Variants in DOK6 observed in about 807,000 individuals in gnomAD.
The protein encoded by DOK6 is docking protein 6, also known as downstream of tyrosine kinase 6.
In DOK6, 22 loss-of-function variants were observed where a neutral mutation model predicts 44.0. That is an observed-to-expected ratio of 0.50 (90% CI 0.36 to 0.71). DOK6 has a LOEUF of 0.71. Ranked by LOEUF, DOK6 falls within the 30% of genes least tolerant of loss-of-function variation. The probability of loss-of-function intolerance (pLI) is 0.00; values close to 1 mark genes in which losing one functional copy is unlikely to be tolerated. For synonymous variants in DOK6, 166 were observed against 145.5 expected (o/e 1.14, Z -1.01); for missense variants, 340 against 416.4 (o/e 0.82, Z 1.60).
chr18:69,449,621 A>G (rs1478930598), intron 1 of DOK6, among the ~76,000 whole-genome samples: 1 of 152,234 alleles, frequency 6.6e-6, no homozygotes, highest in Non-Finnish European at 1.5e-5. Context: ...ACAGACAAAC[A>G]AAAAGACAGC....
intron 1 of DOK6, among the ~76,000 whole-genome samples, chr18:69,463,142 A>G (rs1013597263): frequency 2.0e-5 from 3 of 152,140 alleles, no homozygotes; most frequent in Admixed American, 2.0e-4. Flanking sequence ...TTCCCGGTTC[A>G]TAGATGGCAC....
intron 5 of DOK6, 96 bp downstream of exon 5, chr18:69,698,689 C>T (rs1325913883): frequency 5.7e-6 from 7 of 1,233,906 alleles, no homozygotes; most frequent in East Asian, 2.6e-5. Flanking sequence ...TCATTGCCCC[C>T]AGTGAGCACT....
At chr18:69,679,749 T>C (rs1986003552) in intron 4 of DOK6, among the ~76,000 whole-genome samples, 1 of 152,238 alleles carries the variant, frequency 6.6e-6, no homozygotes, top group Non-Finnish European at 1.5e-5. Flanking sequence ...TTTGGAGATA[T>C]ATATGGTTTC....
At chr18:69,446,276 A>T (rs1423626855) in intron 1 of DOK6, among the ~76,000 whole-genome samples, 3 of 135,914 alleles carry the variant, frequency 2.2e-5, no homozygotes, top group Non-Finnish European at 4.5e-5. Flanking sequence ...CTCATTGTTC[A>T]ATTCCCACCT....
intron 4 of DOK6, among the ~76,000 whole-genome samples, chr18:69,683,186 C>G (rs1986080670): frequency 6.6e-6 from 1 of 151,710 alleles, no homozygotes; most frequent in South Asian, 2.1e-4. Context: ...AAAAAACAAG[C>G]ACACTCACAT....
chr18:69,726,462 A>G (rs12957360), intron 5 of DOK6, among the ~76,000 whole-genome samples: 66,379 of 151,908 alleles, frequency 0.44, 14,908 homozygotes, highest in Middle Eastern at 0.55. Context: ...AATTCAAACT[A>G]TCTTAATGTC....
At chr18:69,494,227 G>A (rs1980817621) in intron 1 of DOK6, among the ~76,000 whole-genome samples, 1 of 152,186 alleles carries the variant, frequency 6.6e-6, no homozygotes, top group Non-Finnish European at 1.5e-5. Context: ...TGTAATCCTA[G>A]AACTTTGGGA....
chr18:69,817,553 G>C (rs1175066571), intron 7 of DOK6, among the ~76,000 whole-genome samples: 1 of 152,154 alleles, frequency 6.6e-6, no homozygotes, highest in Non-Finnish European at 1.5e-5. Flanking sequence ...ATTCCTTTGT[G>C]TGTGTCATGG....
chr18:69,495,187 A>G (rs1980847218), intron 1 of DOK6, among the ~76,000 whole-genome samples: 1 of 152,212 alleles, frequency 6.6e-6, no homozygotes. Flanking sequence ...TGGGGACTCC[A>G]GGAAATGCAA....
At chr18:69,471,677 T>G (rs1368911405) in intron 1 of DOK6, 1 of 151,918 alleles carries the variant, frequency 6.6e-6, no homozygotes, top group African/African-American at 2.4e-5. Flanking sequence ...GGAGACCATT[T>G]AAGATGCTCT....
chr18:69,410,723 A>G (rs987604615), intron 1 of DOK6, among the ~76,000 whole-genome samples: 2 of 152,160 alleles, frequency 1.3e-5, no homozygotes, highest in African/African-American at 2.4e-5. Flanking sequence ...AAAGATTTCA[A>G]TTGTCTAATT....
intron 1 of DOK6, chr18:69,532,946 T>A (rs1487004700): frequency 6.6e-6 from 1 of 152,204 alleles, no homozygotes; most frequent in Non-Finnish European, 1.5e-5. Flanking sequence ...AAGTAAACAT[T>A]GTTTTCTCAG....
chr18:69,496,308 C>T (rs1241390605), intron 1 of DOK6, among the ~76,000 whole-genome samples: 1 of 152,240 alleles, frequency 6.6e-6, no homozygotes, highest in South Asian at 2.1e-4. Flanking sequence ...ACAGCCATGA[C>T]GTGGGCAGCT....
chr18:69,597,847 T>C (rs1983782157), intron 2 of DOK6, among the ~76,000 whole-genome samples: 1 of 152,240 alleles, frequency 6.6e-6, no homozygotes, highest in Non-Finnish European at 1.5e-5. Flanking sequence ...AGATGTGCCA[T>C]GTGTATTTAT....
intron 1 of DOK6, among the ~76,000 whole-genome samples, chr18:69,516,348 C>T (rs979884101): frequency 6.6e-6 from 1 of 152,018 alleles, no homozygotes; most frequent in Non-Finnish European, 1.5e-5. Context: ...TGAATAAAAT[C>T]CGATTATATA....
intron 5 of DOK6, among the ~76,000 whole-genome samples, chr18:69,711,156 C>T (rs1394793653): frequency 1.3e-5 from 2 of 152,198 alleles, no homozygotes; most frequent in African/African-American, 2.4e-5. Context: ...CAATTCATAT[C>T]ATTAGAGGAG....
At chr18:69,686,260 C>G (rs1020456668) in intron 4 of DOK6, among the ~76,000 whole-genome samples, 20 of 152,064 alleles carry the variant, frequency 1.3e-4, no homozygotes, top group African/African-American at 1.9e-4. Context: ...TTTAAGCCAC[C>G]CAGTCTGTGG....
chr18:69,575,073 G>A (rs1476432720), intron 2 of DOK6, among the ~76,000 whole-genome samples: 1 of 152,030 alleles, frequency 6.6e-6, no homozygotes, highest in Non-Finnish European at 1.5e-5. Flanking sequence ...GCATATTCAT[G>A]TAGCAAAACT....
chr18:69,453,594 CG>C (rs1979535457), intron 1 of DOK6, among the ~76,000 whole-genome samples: 1 of 73,930 alleles, frequency 1.4e-5, no homozygotes, highest in Non-Finnish European at 2.4e-5. Context: ...GAGCCCGCAT[CG>C]CCAAGTCAAT....
Sources: gnomAD v4.1 joint callset for allele counts (sites outside exome capture counted in the v4.1 genomes callset) on GRCh38, gnomAD v4.1.1 for gene constraint, MANE v1.5 for transcripts, NCBI Gene and HGNC (gene_info 2026-07-23, HGNC 2026-07-21) for gene names.